Variants in MAML3 observed in about 807,000 individuals in gnomAD.
MAML3 encodes the protein mastermind like transcriptional coactivator 3, also known as mastermind-like protein 3.
A neutral mutation model predicts 101.9 loss-of-function variants in MAML3; 27 were observed. The observed-to-expected ratio is 0.27, with a 90% CI of 0.20 to 0.37. MAML3 has a LOEUF of 0.37. Ranked by LOEUF, MAML3 falls within the 10% of genes least tolerant of loss-of-function variation. The pLI is 1.00. For missense variants in MAML3, 1,316 were observed against 1,444.9 expected (o/e 0.91, Z 1.45); for synonymous variants, 501 against 555.9 (o/e 0.90, Z 1.39).
intron 2 of MAML3, among the ~76,000 whole-genome samples, chr4:139,787,197 TACTC>T (rs1730322550): frequency 6.6e-6 from 1 of 152,220 alleles, no homozygotes; most frequent in Non-Finnish European, 1.5e-5. Context: ...ACACTTCACT[TACTC>T]ATTCTCAGCT....
intron 2 of MAML3, among the ~76,000 whole-genome samples, chr4:139,886,956 A>C (rs1732353243): frequency 6.6e-6 from 1 of 152,220 alleles, no homozygotes; most frequent in African/African-American, 2.4e-5. Context: ...AAACGTGCCT[A>C]AAAGGCTTTG....
At chr4:140,101,674 A>C (rs543468303) in intron 1 of MAML3, among the ~76,000 whole-genome samples, 2 of 152,310 alleles carry the variant, frequency 1.3e-5, no homozygotes, top group South Asian at 4.1e-4. Flanking sequence ...GATACCTCTT[A>C]GATCAGTGTA....
intron 2 of MAML3, among the ~76,000 whole-genome samples, chr4:139,872,434 A>G (rs974712431): frequency 6.6e-6 from 1 of 152,224 alleles, no homozygotes; most frequent in Non-Finnish European, 1.5e-5. Flanking sequence ...TGTGAATAAT[A>G]CAAATGTGGA....
At chr4:140,006,298 G>A (rs537083550) in intron 1 of MAML3, among the ~76,000 whole-genome samples, 1 of 152,136 alleles carries the variant, frequency 6.6e-6, no homozygotes, top group African/African-American at 2.4e-5. Context: ...AGTGAATTAG[G>A]AAACAGGCCG....
intron 2 of MAML3, among the ~76,000 whole-genome samples, chr4:139,742,960 T>C (rs1729213276): frequency 6.6e-6 from 1 of 152,230 alleles, no homozygotes; most frequent in Non-Finnish European, 1.5e-5. Context: ...AGTTTCCTAA[T>C]TTCTTTCCAC....
In MAML3 at chr4:139,963,422, C is replaced by T. The variant is rs1734061931; in HGVS notation, c.469-72455G>A. Among the ~76,000 whole-genome samples the T allele has an allele frequency of 2.6e-5, 4 of 152,222 alleles. No individual in the cohort carries two copies. In the South Asian group the frequency reaches 8.3e-4, roughly 32 times the overall value. Reference sequence around the variant, plus strand: ...GGTCCACAGACCATAGTTTGAGTAGCAAGGGTACAAAAACTAGTAATTAAG... The same window carrying T: ...GGTCCACAGACCATAGTTTGAGTAGTAAGGGTACAAAAACTAGTAATTAAG... On this transcript the variant is annotated intron_variant, in intron 1 of 4. Transcript: ENST00000509479.
In MAML3 at chr4:139,890,081, G is replaced by A; in HGVS notation, c.1355C>T (p.Ser452Leu). The A allele has an allele frequency of 1.2e-6, 2 of 1,612,590 alleles. No homozygotes were observed. The highest frequency in any genetic ancestry group is 1.6e-4 in the Middle Eastern group (1 of 6,062). ...AGAGCTGGGCACAGCCACAGGCCCT[G>A]ACGCTGAACCGGCCACTGTCACTGC... ...PAAVTVAGSA[S>L]GPVAVPSSDM... is the part of the protein sequence containing the mutation. The change falls in exon 2 of 5, where the codon TCA (serine) becomes TTA (leucine). Residue 452 changes from serine to leucine, a missense_variant. Transcript: ENST00000509479. The surrounding 1 kb of genome is among the most constrained non-coding windows in gnomAD (Gnocchi z 4.1).
intron 1 of MAML3, among the ~76,000 whole-genome samples, chr4:140,106,033 T>C (rs2111004370): frequency 6.8e-6 from 1 of 146,082 alleles, no homozygotes. Context: ...CATTATGCTA[T>C]ACACTAGGGG....
At chr4:139,764,208 A>C (rs1240646773) in intron 2 of MAML3, among the ~76,000 whole-genome samples, 2 of 152,250 alleles carry the variant, frequency 1.3e-5, no homozygotes, top group African/African-American at 4.8e-5. Flanking sequence ...GCTGACAAGC[A>C]ATCCTGCTGA....
chr4:139,859,487 G>A (rs1731728761), intron 2 of MAML3, among the ~76,000 whole-genome samples: 1 of 151,922 alleles, frequency 6.6e-6, no homozygotes, highest in African/African-American at 2.4e-5. Context: ...GATTACAGGC[G>A]TGAGCCATCG....
chr4:140,064,606 T>C (rs1343255719), intron 1 of MAML3, among the ~76,000 whole-genome samples: 1 of 152,206 alleles, frequency 6.6e-6, no homozygotes, highest in East Asian at 1.9e-4. Flanking sequence ...GGGCTTCTAG[T>C]TCCCAGCAGA....
intron 1 of MAML3, among the ~76,000 whole-genome samples, chr4:139,976,751 A>C (rs569193676): frequency 6.6e-6 from 1 of 152,140 alleles, no homozygotes; most frequent in Non-Finnish European, 1.5e-5. Flanking sequence ...ATTAAGTTTG[A>C]TTCTATACTT....
At chr4:140,032,618 C>T (rs755628422) in intron 1 of MAML3, among the ~76,000 whole-genome samples, 1 of 152,068 alleles carries the variant, frequency 6.6e-6, no homozygotes, top group Non-Finnish European at 1.5e-5. Flanking sequence ...AGACTCACAT[C>T]CATATCAATG....
At chr4:139,810,937 C>T (rs1257808312) in intron 2 of MAML3, among the ~76,000 whole-genome samples, 1 of 152,164 alleles carries the variant, frequency 6.6e-6, no homozygotes, top group Non-Finnish European at 1.5e-5. Context: ...GTGACTGGCC[C>T]TGCCCTTTTC....
At chr4:139,778,511 C>T (rs922995439) in intron 2 of MAML3, among the ~76,000 whole-genome samples, 1 of 152,224 alleles carries the variant, frequency 6.6e-6, no homozygotes, top group Non-Finnish European at 1.5e-5. Flanking sequence ...GATCTGCTAT[C>T]TCACTTGAAA....
At chr4:139,858,997 G>A (rs1259872984) in intron 2 of MAML3, among the ~76,000 whole-genome samples, 1 of 152,034 alleles carries the variant, frequency 6.6e-6, no homozygotes, top group Non-Finnish European at 1.5e-5. Flanking sequence ...AGAAGTTTGA[G>A]GTATATCCCT....
intron 1 of MAML3, among the ~76,000 whole-genome samples, chr4:140,010,594 A>G (rs1726533185): frequency 6.6e-6 from 1 of 152,180 alleles, no homozygotes; most frequent in African/African-American, 2.4e-5. Flanking sequence ...GCCCAGTAAT[A>G]CGTTTTTAAG....
chr4:139,865,888 G>A (rs375254012), intron 2 of MAML3, among the ~76,000 whole-genome samples: 1 of 152,380 alleles, frequency 6.6e-6, no homozygotes, highest in South Asian at 2.1e-4. Flanking sequence ...CGGAGCCCCA[G>A]ATTCTCTGCT....
At chr4:140,038,908 A>C (rs985266618) in intron 1 of MAML3, among the ~76,000 whole-genome samples, 1 of 152,174 alleles carries the variant, frequency 6.6e-6, no homozygotes, top group African/African-American at 2.4e-5. Context: ...AGGTGGGCAG[A>C]TCACGAGGTC....
Sources: gnomAD v4.1 joint callset for allele counts (sites outside exome capture counted in the v4.1 genomes callset) on GRCh38, gnomAD v4.1.1 for gene constraint, Gnocchi (gnomAD v3.1) non-coding constraint, MANE v1.5 for transcripts, NCBI Gene and HGNC (gene_info 2026-07-23, HGNC 2026-07-21) for gene names.